Variants in CDH13 observed in about 807,000 individuals in gnomAD.
CDH13 encodes cadherin 13.
CDH13 carries 24 observed loss-of-function variants against 63.8 expected under a neutral mutation model. The ratio of observed to expected loss-of-function variants is 0.38; its 90% CI spans 0.27 to 0.53. The LOEUF (loss-of-function observed/expected upper bound fraction) is 0.53. Among genes scored for constraint, CDH13 ranks in the 20% least tolerant of loss-of-function variants. CDH13 has a pLI of 0.85. For synonymous variants in CDH13, 503 were observed against 355.3 expected (o/e 1.42, Z -4.67); for missense variants, 1,049 against 903.1 (o/e 1.16, Z -2.07).
At chr16:83,369,666 C>G (rs1301119706) in intron 6 of CDH13, among the ~76,000 whole-genome samples, 1 of 152,132 alleles carries the variant, frequency 6.6e-6, no homozygotes, top group Non-Finnish European at 1.5e-5. Context: ...CTCAAGTGAT[C>G]CTACCACCTC....
At chr16:83,177,036 T>C (rs2038157805) in intron 4 of CDH13, among the ~76,000 whole-genome samples, 1 of 152,188 alleles carries the variant, frequency 6.6e-6, no homozygotes, top group South Asian at 2.1e-4. Context: ...ATGTTCTCTA[T>C]CTGCACATCC....
intron 11 of CDH13, among the ~76,000 whole-genome samples, chr16:83,762,367 CCT>C (rs1914044345): frequency 6.6e-6 from 1 of 150,782 alleles, no homozygotes; most frequent in Admixed American, 6.6e-5. Context: ...GAATTGCTGC[CCT>C]CTCTTAAGAA....
intron 2 of CDH13, among the ~76,000 whole-genome samples, chr16:82,988,318 G>T (rs537779645): frequency 6.6e-6 from 1 of 152,142 alleles, no homozygotes; most frequent in Non-Finnish European, 1.5e-5. Flanking sequence ...TTGAGGGAAT[G>T]TTTTTTGTTT....
chr16:83,071,876 A>T (rs1323139821), intron 3 of CDH13, among the ~76,000 whole-genome samples: 2 of 152,210 alleles, frequency 1.3e-5, no homozygotes, highest in Admixed American at 6.5e-5. Context: ...TGCATAGATT[A>T]TAAGTAAAAT....
chr16:83,111,323 G>A (rs151160710), intron 3 of CDH13, among the ~76,000 whole-genome samples: 290 of 152,322 alleles, frequency 1.9e-3, no homozygotes, highest in African/African-American at 6.7e-3. Context: ...CCCATGTGCA[G>A]TGAGAATCTA....
At chr16:83,789,359 T>TTTTTTTTTTA in intron 13 of CDH13, among the ~76,000 whole-genome samples, 1 of 151,162 alleles carries the variant, frequency 6.6e-6, no homozygotes, top group African/African-American at 2.4e-5. Flanking sequence ...TTGTCTGTTT[T>TTTTTTTTTTA]GTTTTAAGAC....
At chr16:83,536,382 C>T (rs972990325) in intron 7 of CDH13, among the ~76,000 whole-genome samples, 1 of 151,988 alleles carries the variant, frequency 6.6e-6, no homozygotes, top group Non-Finnish European at 1.5e-5. Context: ...TCCTTGTGGA[C>T]GTGATCCTTG....
At chr16:82,927,898 A>T (rs1253440810) in intron 2 of CDH13, among the ~76,000 whole-genome samples, 1 of 152,212 alleles carries the variant, frequency 6.6e-6, no homozygotes, top group African/African-American at 2.4e-5. Context: ...ACAATTCTTG[A>T]ACCCTTCTTA....
At chr16:83,720,744 T>A (rs1909584970) in intron 10 of CDH13, among the ~76,000 whole-genome samples, 1 of 152,174 alleles carries the variant, frequency 6.6e-6, no homozygotes, top group Non-Finnish European at 1.5e-5. Context: ...ATCCGACTCA[T>A]GAGAGCCAGA....
intron 1 of CDH13, among the ~76,000 whole-genome samples, chr16:82,721,492 G>C (rs1195974957): frequency 6.6e-6 from 1 of 152,142 alleles, no homozygotes; most frequent in African/African-American, 2.4e-5. Context: ...CATGGAACTG[G>C]CCAGTCACCC....
Position 83,670,776 on chromosome 16 carries a change from T to C in CDH13, c.1102-14T>C, listed in dbSNP as rs754683514. ...TTTCAAAATAGTGACCATTACCATC[T>C]GCTTTGTTTGCAGTTTCAAGCCACA... On this transcript the variant is annotated splice_polypyrimidine_tract_variant and intron_variant, in intron 8 of 13. Coordinates refer to ENST00000567109, the MANE Select transcript of CDH13 (RefSeq NM_001257.5). 3.1e-6 allele frequency: 5 copies of C among 1,613,504 alleles called. No homozygotes were observed. Among genetic ancestry groups the C allele is most frequent in the Non-Finnish European group, 3.4e-6 (4 of 1,179,550 alleles).
rs80161754 is a variant in CDH13, at chr16:83,671,185, G to A, written c.1284+213G>A. On this transcript the variant is annotated intron_variant, in intron 9 of 13. Coordinates refer to ENST00000567109, the MANE Select transcript of CDH13 (RefSeq NM_001257.5). ...GCCATAAAACAAACCTGTTTTATAG[G>A]TTCTAAAATACCCAAACTTATGTGT... 6.5e-3 allele frequency among the ~76,000 whole-genome samples: 995 copies of A among 152,254 alleles called. 15 individuals carry two copies. Among genetic ancestry groups the A allele is most frequent in the African/African-American group, 0.023 (944 of 41,514 alleles).
chr16:83,447,642 C>A (rs1294678205), intron 6 of CDH13, among the ~76,000 whole-genome samples: 1 of 151,698 alleles, frequency 6.6e-6, no homozygotes, highest in Non-Finnish European at 1.5e-5. Context: ...TCAAGAGGAT[C>A]CTGAAATAAA....
chr16:83,231,422 G>A (rs2039995282), intron 5 of CDH13, among the ~76,000 whole-genome samples: 1 of 152,188 alleles, frequency 6.6e-6, no homozygotes, highest in African/African-American at 2.4e-5. Flanking sequence ...GGATTGGGGT[G>A]AGGAGAATTG....
At chr16:83,690,659 T>C (rs1366123306) in intron 10 of CDH13, among the ~76,000 whole-genome samples, 1 of 152,034 alleles carries the variant, frequency 6.6e-6, no homozygotes, top group Non-Finnish European at 1.5e-5. Flanking sequence ...TAAGAGGCCA[T>C]ATGGGTCTGG....
intron 1 of CDH13, among the ~76,000 whole-genome samples, chr16:82,772,465 G>A (rs903659237): frequency 1.3e-5 from 2 of 152,158 alleles, no homozygotes; most frequent in Non-Finnish European, 2.9e-5. Context: ...GTGAGAAAAA[G>A]GGAACTGGTG....
At chr16:82,784,818 AAGTGGG>A (rs1338094914) in intron 1 of CDH13, among the ~76,000 whole-genome samples, 2 of 152,178 alleles carry the variant, frequency 1.3e-5, no homozygotes, top group African/African-American at 4.8e-5. Context: ...GCATTTTAGG[AAGTGGG>A]ACCAGCAGCT....
intron 1 of CDH13, among the ~76,000 whole-genome samples, chr16:82,686,306 C>G (rs1368967066): frequency 6.6e-6 from 1 of 152,140 alleles, no homozygotes; most frequent in African/African-American, 2.4e-5. Flanking sequence ...TCTTTGAATT[C>G]GTCTCCTCCT....
chr16:83,135,543 A>T (rs1006906081), intron 4 of CDH13, among the ~76,000 whole-genome samples: 1 of 152,160 alleles, frequency 6.6e-6, no homozygotes, highest in Admixed American at 6.5e-5. Flanking sequence ...GTCACCTGCA[A>T]TTGTACCAGG....
Sources: gnomAD v4.1 joint callset for allele counts (sites outside exome capture counted in the v4.1 genomes callset) on GRCh38, gnomAD v4.1.1 for gene constraint, MANE v1.5 for transcripts, NCBI Gene and HGNC (gene_info 2026-07-23, HGNC 2026-07-21) for gene names.